Variants in STXBP6 observed in about 807,000 individuals in gnomAD.
STXBP6 encodes syntaxin-binding protein 6.
A neutral mutation model predicts 26.9 loss-of-function variants in STXBP6; 21 were observed. The ratio of observed to expected loss-of-function variants is 0.78; its 90% CI spans 0.55 to 1.12. STXBP6 has a LOEUF of 1.12. Ranked by LOEUF, STXBP6 falls within the 50% of genes most tolerant of loss-of-function variation. The pLI is 0.00. For synonymous variants in STXBP6, 97 were observed against 92.6 expected (o/e 1.05, Z -0.27); for missense variants, 232 against 257.9 (o/e 0.90, Z 0.69).
At chr14:24,841,829 A>C (rs1293055128) in intron 4 of STXBP6, among the ~76,000 whole-genome samples, 2 of 151,608 alleles carry the variant, frequency 1.3e-5, no homozygotes, top group East Asian at 3.9e-4. Context: ...TTATCTTTTG[A>C]GTATCATAAA....
chr14:24,987,609 G>A (rs1205256770), intron 1 of STXBP6, among the ~76,000 whole-genome samples: 2 of 152,230 alleles, frequency 1.3e-5, no homozygotes, highest in South Asian at 2.1e-4. Flanking sequence ...CCACACTTGC[G>A]AGAGAGGTAT....
chr14:24,991,559 A>G (rs1350487780), intron 1 of STXBP6, among the ~76,000 whole-genome samples: 2 of 152,210 alleles, frequency 1.3e-5, no homozygotes, highest in Non-Finnish European at 2.9e-5. Context: ...TTAGATGCTC[A>G]GTTCACTGAG....
chr14:24,985,187 G>C (rs2074301172), intron 1 of STXBP6, among the ~76,000 whole-genome samples: 1 of 152,200 alleles, frequency 6.6e-6, no homozygotes, highest in Non-Finnish European at 1.5e-5. Context: ...TTAGGATAGA[G>C]CTTGTTTTGA....
chr14:24,942,055 A>T (rs1254098290), intron 2 of STXBP6, among the ~76,000 whole-genome samples: 2 of 152,246 alleles, frequency 1.3e-5, no homozygotes, highest in African/African-American at 4.8e-5. Context: ...TGCCGAGAAA[A>T]GAGAATGCAA....
At chr14:25,048,331 C>T (rs1034900735) in intron 1 of STXBP6, among the ~76,000 whole-genome samples, 1 of 152,192 alleles carries the variant, frequency 6.6e-6, no homozygotes, top group East Asian at 1.9e-4. Context: ...CGATTATCTC[C>T]GTTTGACAGA....
At chr14:24,897,409 C>CAAA (rs34542483) in intron 2 of STXBP6, among the ~76,000 whole-genome samples, 2,448 of 37,550 alleles carry the variant, frequency 0.065, 241 homozygotes, top group African/African-American at 0.19. Flanking sequence ...GACTCTGTCT[C>CAAA]AAAAAAAAAA....
chr14:24,819,288 G>A (rs1298184791), intron 4 of STXBP6, 94 bp from the exon 5 acceptor site: 1 of 1,456,764 alleles, frequency 6.9e-7, no homozygotes, highest in South Asian at 1.1e-5. Flanking sequence ...GAGGAAGGCA[G>A]GTCACACTGC....
intron 2 of STXBP6, among the ~76,000 whole-genome samples, chr14:24,906,922 T>C (rs907970637): frequency 2.0e-5 from 3 of 152,004 alleles, no homozygotes; most frequent in Non-Finnish European, 2.9e-5. Context: ...TTTAGAAATA[T>C]ACAAACAGTA....
chr14:24,940,598 T>C (rs2072766219), intron 2 of STXBP6, among the ~76,000 whole-genome samples: 1 of 152,198 alleles, frequency 6.6e-6, no homozygotes, highest in African/African-American at 2.4e-5. Flanking sequence ...TTTATGCTGG[T>C]ATGTGTCAGA....
rs144910907 is a variant in STXBP6 at position 25,046,220 on chromosome 14, A to G, written c.-33+3658T>C. 1.9e-4 allele frequency among the ~76,000 whole-genome samples: 29 copies of G among 152,354 alleles called. No individual in the cohort carries two copies. The East Asian group carries it at 5.4e-3, about 28-fold the overall frequency. On this transcript the variant is annotated intron_variant, in intron 1 of 5. Coordinates refer to ENST00000323944, the MANE Select transcript of STXBP6 (RefSeq NM_001394410.1). ...TGCCCTCAAAGCAGGGGTAACACCC[A>G]AAATATAAACATCAGGTTATGGGAA...
chr14:24,830,231 T>C (rs999420364), intron 4 of STXBP6, among the ~76,000 whole-genome samples: 1 of 151,882 alleles, frequency 6.6e-6, no homozygotes, highest in Non-Finnish European at 1.5e-5. Context: ...CAGAAGCCAT[T>C]GGAGTGTTTT....
chr14:24,810,507 G>C lies in STXBP6; in HGVS notation c.*2202C>G, dbSNP rs2067788801. 6.6e-6 allele frequency: 1 copy of C among 152,208 alleles called. No homozygotes were observed. Among genetic ancestry groups the C allele is most frequent in the Non-Finnish European group, 1.5e-5 (1 of 68,054 alleles). 9.4% of individuals were successfully genotyped at this position (152,208 alleles called of 1,614,324 possible). ...GCCTGGAAACTAATCATTAGAGGGG[G>C]CTAATAAAGATTCGGATGGGCTTTC... On this transcript the variant is annotated 3_prime_UTR_variant, in exon 6 of 6. Transcript: ENST00000323944.
At chr14:24,987,934 G>C (rs1335200927) in intron 1 of STXBP6, 3 of 968,440 alleles carry the variant, frequency 3.1e-6, no homozygotes, top group Non-Finnish European at 3.7e-6. Context: ...CTGAGGAGAA[G>C]AAGAGCAACA....
Position 24,843,346 on chromosome 14 carries a change from C to A in STXBP6, c.451+12590G>T, listed in dbSNP as rs538465251. 7.2e-5 allele frequency among the ~76,000 whole-genome samples: 11 copies of A among 152,164 alleles called. No homozygotes were observed. The East Asian group carries it at 1.2e-3, about 16-fold the overall frequency. On this transcript the variant is annotated intron_variant, in intron 4 of 5. Transcript: ENST00000323944. ...ACGACTGTACTTCTACTGTATCTGA[C>A]CTAAGGGACACTCAAAGCCATGTTT...
At chr14:24,987,983 A>G (rs2074376494) in intron 1 of STXBP6, 1 of 683,122 alleles carries the variant, frequency 1.5e-6, no homozygotes, top group Non-Finnish European at 1.8e-6. Context: ...CTAGTGGGGA[A>G]GAAGAACAAT....
At chr14:25,034,968 T>A (rs887984380) in intron 1 of STXBP6, among the ~76,000 whole-genome samples, 1 of 151,994 alleles carries the variant, frequency 6.6e-6, no homozygotes, top group Non-Finnish European at 1.5e-5. Flanking sequence ...CTGGCCAACA[T>A]GGTAAAACCC....
At chr14:24,925,494 T>C (rs1202384649) in intron 2 of STXBP6, among the ~76,000 whole-genome samples, 1 of 152,206 alleles carries the variant, frequency 6.6e-6, no homozygotes, top group Non-Finnish European at 1.5e-5. Context: ...GTTCAAATAA[T>C]GTGGCACTGC....
At chr14:24,824,048 A>T (rs1187554425) in intron 4 of STXBP6, among the ~76,000 whole-genome samples, 2 of 152,230 alleles carry the variant, frequency 1.3e-5, no homozygotes, top group African/African-American at 4.8e-5. Flanking sequence ...ATTAAGTCTT[A>T]TTAAGTATAA....
chr14:24,813,980 G>A (rs2067896881), intron 5 of STXBP6, among the ~76,000 whole-genome samples: 1 of 152,194 alleles, frequency 6.6e-6, no homozygotes, highest in South Asian at 2.1e-4. Flanking sequence ...ATGTTGATAA[G>A]TTAATCTCTG....
Sources: allele counts gnomAD v4.1 joint callset (sites outside exome capture counted in the v4.1 genomes callset), GRCh38; gene constraint gnomAD v4.1.1; transcripts MANE v1.5; gene names NCBI Gene and HGNC (gene_info 2026-07-23, HGNC 2026-07-21).